The following RBBP8 variants were observed in gnomAD, a reference collection of about 807,000 sequenced individuals.
RBBP8 encodes DNA endonuclease RBBP8.
In RBBP8, 88 loss-of-function variants were observed where a neutral mutation model predicts 108.3. The observed-to-expected ratio is 0.81, with a 90% CI of 0.68 to 0.97. The LOEUF is 0.97. Among genes scored for constraint, RBBP8 ranks in the 50% least tolerant of loss-of-function variants. RBBP8 has a pLI of 0.00. For missense variants in RBBP8, 1,023 were observed against 1,049.0 expected (o/e 0.98, Z 0.34); for synonymous variants, 332 against 348.2 (o/e 0.95, Z 0.52).
chr18:22,979,587 C>A (rs1914750964), intron 6 of RBBP8, among the ~76,000 whole-genome samples: 2 of 152,148 alleles, frequency 1.3e-5, no homozygotes, highest in South Asian at 4.1e-4. Context: ...TCTAATAGGA[C>A]AGACTGATTT....
chr18:22,938,476 G>C (rs1218336442), intron 2 of RBBP8, among the ~76,000 whole-genome samples: 28 of 152,018 alleles, frequency 1.8e-4, no homozygotes, highest in Admixed American at 1.8e-3. Context: ...CGTGAGCTGC[G>C]CCCAGCCAGA....
chr18:22,946,352 T>C, intron 2 of RBBP8, 92 bp from the exon 3 acceptor site: 1 of 1,549,522 alleles, frequency 6.5e-7, no homozygotes, highest in Non-Finnish European at 8.8e-7. Context: ...TGGTTTATTA[T>C]TTAGAGGCCA....
chr18:22,967,098 G>A (rs1447535738), intron 4 of RBBP8, among the ~76,000 whole-genome samples: 9 of 151,970 alleles, frequency 5.9e-5, no homozygotes, highest in African/African-American at 1.5e-4. Context: ...CAGGTGCAGC[G>A]GCTCACGCCT....
chr18:23,007,532 G>A (rs572785909), intron 16 of RBBP8, among the ~76,000 whole-genome samples: 6 of 150,980 alleles, frequency 4.0e-5, no homozygotes, highest in East Asian at 2.1e-4. Context: ...GTGAAACCCC[G>A]TCTCTACTAA....
chr18:23,003,930 G>A (rs1025040125), intron 15 of RBBP8, among the ~76,000 whole-genome samples: 1 of 151,776 alleles, frequency 6.6e-6, no homozygotes, highest in Non-Finnish European at 1.5e-5. Flanking sequence ...GGTGGCAGGT[G>A]CCTGTAGTCC....
intron 1 of RBBP8, among the ~76,000 whole-genome samples, chr18:22,914,933 A>T (rs1909295833): frequency 6.6e-6 from 1 of 152,132 alleles, no homozygotes; most frequent in African/African-American, 2.4e-5. Context: ...GTTAAAGAAT[A>T]CCTGGATCTT....
intron 16 of RBBP8, among the ~76,000 whole-genome samples, chr18:23,006,989 GTGTGTGCGTGTGCA>G (rs2046061650): frequency 6.6e-6 from 1 of 150,770 alleles, no homozygotes. Flanking sequence ...CTGCTTTTGT[GTGTGTGCGTGTGCA>G]TGTGTGTGTG....
chr18:22,951,945 G>T (rs990279724), intron 4 of RBBP8, among the ~76,000 whole-genome samples: 2 of 152,206 alleles, frequency 1.3e-5, no homozygotes, highest in Admixed American at 6.5e-5. Flanking sequence ...TCTTAACTGA[G>T]ACTTGATTGA....
intron 4 of RBBP8, among the ~76,000 whole-genome samples, chr18:22,958,984 T>G (rs1252585380): frequency 6.6e-6 from 1 of 152,220 alleles, no homozygotes; most frequent in Non-Finnish European, 1.5e-5. Flanking sequence ...TTATTTCATT[T>G]CTCTCATGTT....
chr18:22,936,549 T>TA (rs1214005402), intron 1 of RBBP8, among the ~76,000 whole-genome samples: 1 of 152,226 alleles, frequency 6.6e-6, no homozygotes, highest in Non-Finnish European at 1.5e-5. Flanking sequence ...ATTTACCTCA[T>TA]ATAGCCAAAT....
In RBBP8 at chr18:23,026,463, C is replaced by T. The variant is rs535463636; in HGVS notation, c.*223C>T. On this transcript the variant is annotated 3_prime_UTR_variant, in exon 19 of 19. Transcript: ENST00000327155. ...AGAGTTTTTACTTTATGTAGTGATA[C>T]CTAATACAATTTTGAAAATACAATA... 8.0e-5 allele frequency: 38 copies of T among 472,068 alleles called. No homozygotes were observed. The highest frequency in any genetic ancestry group is 3.7e-4 in the East Asian group (9 of 24,556). 29.2% of individuals were successfully genotyped at this position (472,068 alleles called of 1,614,324 possible). A position where few individuals can be genotyped will look rare whatever the true frequency, so the allele number is the denominator to read the frequency against.
intron 4 of RBBP8, among the ~76,000 whole-genome samples, chr18:22,958,244 T>C (rs1332028976): frequency 6.6e-6 from 1 of 152,244 alleles, no homozygotes; most frequent in Non-Finnish European, 1.5e-5. Context: ...TGAGTTTATT[T>C]ATTGACTGTA....
chr18:22,992,356 C>T (rs544917989), intron 10 of RBBP8, among the ~76,000 whole-genome samples: 20 of 152,156 alleles, frequency 1.3e-4, no homozygotes, highest in Admixed American at 9.8e-4. Context: ...CCACCACACC[C>T]GGCTAATTTT....
intron 2 of RBBP8, 42 bp from the exon 3 acceptor site, chr18:22,946,402 G>A (rs770490607): frequency 6.2e-7 from 1 of 1,606,824 alleles, no homozygotes; most frequent in Non-Finnish European, 8.5e-7. Context: ...GACTCATAAA[G>A]GAACTGTTGT....
chr18:22,976,027 T>TTA (rs1395164832), intron 6 of RBBP8, among the ~76,000 whole-genome samples: 3 of 152,156 alleles, frequency 2.0e-5, no homozygotes, highest in Non-Finnish European at 2.9e-5. Flanking sequence ...CCTAATGGCG[T>TTA]TATAGCGTTC....
chr18:23,003,444 G>A (rs956205584), intron 15 of RBBP8, among the ~76,000 whole-genome samples: 1 of 152,110 alleles, frequency 6.6e-6, no homozygotes, highest in Admixed American at 6.6e-5. Flanking sequence ...CTGTCTACCT[G>A]CTTAATGTTT....
chr18:22,967,030 C>T (rs1452467792), intron 4 of RBBP8, among the ~76,000 whole-genome samples: 1 of 152,038 alleles, frequency 6.6e-6, no homozygotes, highest in East Asian at 1.9e-4. Flanking sequence ...TCTGCCAACA[C>T]TTAAATACTT....
intron 16 of RBBP8, among the ~76,000 whole-genome samples, chr18:23,012,207 C>CAAAAAAA (rs368600707): frequency 0.017 from 1,374 of 80,966 alleles, 289 homozygotes; most frequent in African/African-American, 0.044. Flanking sequence ...GATGCTGTCT[C>CAAAAAAA]CAAAAAAAAA....
chr18:22,919,949 A>G (rs1351733746), intron 3 of RBBP8, among the ~76,000 whole-genome samples: 3 of 152,212 alleles, frequency 2.0e-5, no homozygotes, highest in Non-Finnish European at 4.4e-5. Context: ...ATTTGCATTT[A>G]CTTTTAAATG....
Sources: gnomAD v4.1 joint callset for allele counts (sites outside exome capture counted in the v4.1 genomes callset) on GRCh38, gnomAD v4.1.1 for gene constraint, MANE v1.5 for transcripts, NCBI Gene and HGNC (gene_info 2026-07-23, HGNC 2026-07-21) for gene names.